NCOA1: variants seen among roughly 807,000 people sequenced by gnomAD.
NCOA1 encodes nuclear receptor coactivator 1, also known as Hin-2 protein.
In NCOA1, 35 loss-of-function variants were observed where a neutral mutation model predicts 150.9. The observed-to-expected ratio is 0.23, with a 90% CI of 0.18 to 0.31. The LOEUF (loss-of-function observed/expected upper bound fraction) is 0.31. Ranked by LOEUF, NCOA1 falls within the 10% of genes least tolerant of loss-of-function variation. NCOA1 has a pLI of 1.00. For synonymous variants in NCOA1, 590 were observed against 630.0 expected (o/e 0.94, Z 0.95); for missense variants, 1,491 against 1,749.3 (o/e 0.85, Z 2.63).
intron 14 of NCOA1, among the ~76,000 whole-genome samples, chr2:24,720,074 G>C (rs1184254013): frequency 1.3e-5 from 2 of 152,184 alleles, no homozygotes; most frequent in African/African-American, 4.8e-5. Flanking sequence ...ATGGTAGTAA[G>C]AGAGGTACAT....
rs140243172 is a variant in NCOA1, at chr2:24,503,096, A to G, written c.-396+11494A>G. Among the ~76,000 whole-genome samples, 950 of 152,356 alleles carry G rather than the reference A, an allele frequency of 6.2e-3. 13 individuals are homozygous for G. Among genetic ancestry groups the G allele is most frequent in the African/African-American group, 0.021 (871 of 41,586 alleles). ...TATTGATTAAAGCATAATGCTACTT[A>G]TGAATGTACTTAGAGAAATAGACCT... On this transcript the variant is annotated intron_variant, in intron 1 of 22. Coordinates refer to ENST00000348332, the MANE Select transcript of NCOA1 (RefSeq NM_003743.5).
intron 4 of NCOA1, among the ~76,000 whole-genome samples, chr2:24,653,877 A>G (rs1193803443): frequency 1.3e-5 from 2 of 152,184 alleles, no homozygotes. Flanking sequence ...TTCTAAAGTC[A>G]TGTCTTTCAA....
At chr2:24,768,003 A>G in intron 22 of NCOA1, 3 of 1,488,672 alleles carry the variant, frequency 2.0e-6, no homozygotes, top group Non-Finnish European at 2.8e-6. Context: ...TGACCATTCC[A>G]ATTTTGATTT....
intron 1 of NCOA1, among the ~76,000 whole-genome samples, chr2:24,524,688 A>G (rs1005148289): frequency 6.8e-6 from 1 of 146,418 alleles, no homozygotes; most frequent in African/African-American, 2.6e-5. Flanking sequence ...GCTCACTGCA[A>G]CCTCCACCTC....
At chr2:24,553,417 C>T (rs924974710) in intron 1 of NCOA1, among the ~76,000 whole-genome samples, 20 of 152,102 alleles carry the variant, frequency 1.3e-4, no homozygotes, top group Non-Finnish European at 2.4e-4. Flanking sequence ...CGGGGTTTCA[C>T]CTTGTTGGCC....
At chr2:24,694,092 G>A (rs1026904206) in intron 10 of NCOA1, among the ~76,000 whole-genome samples, 1 of 152,110 alleles carries the variant, frequency 6.6e-6, no homozygotes, top group East Asian at 1.9e-4. Context: ...AAGACAGAGA[G>A]GTAAGTTAGA....
intron 3 of NCOA1, among the ~76,000 whole-genome samples, chr2:24,590,402 A>G (rs1207736679): frequency 2.6e-5 from 4 of 152,184 alleles, no homozygotes; most frequent in Non-Finnish European, 5.9e-5. Context: ...AAAACATATT[A>G]TAGTTATTTG....
At chr2:24,668,847 C>T (rs1275335160) in intron 6 of NCOA1, among the ~76,000 whole-genome samples, 1 of 151,304 alleles carries the variant, frequency 6.6e-6, no homozygotes, top group African/African-American at 2.4e-5. Flanking sequence ...CTGACTGAAT[C>T]GAGATGAATT....
chr2:24,528,174 A>G (rs573299037), intron 1 of NCOA1, among the ~76,000 whole-genome samples: 10 of 151,738 alleles, frequency 6.6e-5, no homozygotes, highest in Non-Finnish European at 1.3e-4. Context: ...TTAGTTTGAT[A>G]TATTTGTTTT....
chr2:24,728,205 A>G, intron 15 of NCOA1, 103 bp from the exon 16 acceptor site: 2 of 936,390 alleles, frequency 2.1e-6, no homozygotes, highest in Admixed American at 6.0e-5. Flanking sequence ...GCATCTCAAC[A>G]GTGAATTTTC....
At chr2:24,719,230 C>CAA (rs1674234743) in intron 14 of NCOA1, among the ~76,000 whole-genome samples, 1 of 151,914 alleles carries the variant, frequency 6.6e-6, no homozygotes. Flanking sequence ...TTTAAGCTCT[C>CAA]AAACAGGCAA....
At chr2:24,623,520 GATA>G (rs1246006064) in intron 3 of NCOA1, among the ~76,000 whole-genome samples, 1 of 152,184 alleles carries the variant, frequency 6.6e-6, no homozygotes, top group Non-Finnish European at 1.5e-5. Context: ...CACATAAAAA[GATA>G]ATAAGAAATA....
rs1264253220 is a variant in NCOA1 at position 24,729,784 on chromosome 2, A to AACTACAGCAGCGATTACAGGG, written c.3173_3193dup (p.Leu1058_Gly1064dup). On this transcript the variant is annotated inframe_insertion, in exon 17 of 23. Coordinates refer to ENST00000348332, the MANE Select transcript of NCOA1 (RefSeq NM_003743.5). ...GCTGCACCTAACCAGCTTCGACTTCAACTACAGCAGCGATTACAGGGACAA... is the reference window on the plus strand; with the variant it reads ...GCTGCACCTAACCAGCTTCGACTTCAACTACAGCAGCGATTACAGGGACTACAGCAGCGATTACAGGGACAA... 1 of 1,613,912 alleles carries AACTACAGCAGCGATTACAGGG rather than the reference A, an allele frequency of 6.2e-7. No homozygotes were observed. Among genetic ancestry groups the AACTACAGCAGCGATTACAGGG allele is most frequent in the Non-Finnish European group, 8.5e-7 (1 of 1,179,886 alleles).
chr2:24,522,886 C>T (rs1664475457), intron 1 of NCOA1, among the ~76,000 whole-genome samples: 2 of 152,192 alleles, frequency 1.3e-5, no homozygotes, highest in South Asian at 4.1e-4. Flanking sequence ...GTTTGTAGTA[C>T]TCATACTCTT....
intron 1 of NCOA1, among the ~76,000 whole-genome samples, chr2:24,555,769 C>T (rs1231259018): frequency 2.0e-5 from 3 of 152,140 alleles, no homozygotes; most frequent in African/African-American, 7.2e-5. Context: ...TGTATCAGTT[C>T]TGTCTTTCCT....
chr2:24,496,664 A>C (rs1289018799), intron 1 of NCOA1, among the ~76,000 whole-genome samples: 1 of 152,182 alleles, frequency 6.6e-6, no homozygotes, highest in African/African-American at 2.4e-5. Context: ...AGATGCCAGG[A>C]ACTACAACAT....
intron 3 of NCOA1, among the ~76,000 whole-genome samples, chr2:24,639,914 GTGTATATA>G (rs1670111926): frequency 5.1e-5 from 1 of 19,578 alleles, no homozygotes; most frequent in South Asian, 2.7e-3. Context: ...GTATGTGTGT[GTGTATATA>G]TATATATATA....
intron 3 of NCOA1, among the ~76,000 whole-genome samples, chr2:24,616,220 A>G (rs761633434): frequency 3.3e-5 from 5 of 152,170 alleles, no homozygotes; most frequent in African/African-American, 4.8e-5. Flanking sequence ...GAATTTCATC[A>G]TGAGTTGTGT....
intron 14 of NCOA1, among the ~76,000 whole-genome samples, chr2:24,720,083 A>C (rs751859022): frequency 5.9e-5 from 9 of 152,226 alleles, no homozygotes; most frequent in Non-Finnish European, 1.2e-4. Context: ...AGAGAGGTAC[A>C]TGTGGAAGAA....
Sources: gnomAD v4.1 joint callset for allele counts (sites outside exome capture counted in the v4.1 genomes callset) on GRCh38, gnomAD v4.1.1 for gene constraint, MANE v1.5 for transcripts, NCBI Gene and HGNC (gene_info 2026-07-23, HGNC 2026-07-21) for gene names.